PLRG1: variants seen among roughly 807,000 people sequenced by gnomAD.
PLRG1 encodes the protein pleiotropic regulator 1.
A neutral mutation model predicts 74.9 loss-of-function variants in PLRG1; 28 were observed. The ratio of observed to expected loss-of-function variants is 0.37; its 90% confidence interval spans 0.28 to 0.51. The LOEUF (loss-of-function observed/expected upper bound fraction) is 0.51. Ranked by LOEUF, PLRG1 falls within the 20% of genes least tolerant of loss-of-function variation. The pLI is 0.91. For synonymous variants in PLRG1, 197 were observed against 212.4 expected, an observed-to-expected ratio of 0.93 and a Z score of 0.63; for missense variants, 445 against 631.9, an observed-to-expected ratio of 0.70 and a Z score of 3.17.
intron 2 of PLRG1, 93 bp from the exon 3 acceptor site, chr4:154,547,946 T>C (rs778083380): frequency 2.0e-5 from 18 of 912,960 alleles, no homozygotes; most frequent in Non-Finnish European, 2.9e-5. Context: ...AAAAAGTTTC[T>C]AGTATGATTT....
chr4:154,545,022 TAATACAATATTTA>T (rs1729624961), intron 6 of PLRG1, among the ~76,000 whole-genome samples: 1 of 152,224 alleles, frequency 6.6e-6, no homozygotes, highest in South Asian at 2.1e-4. Context: ...ATTTATCTTC[TAATACAATATTTA>T]AATACTATTT....
chr4:154,536,922 T>C (rs951944086), intron 14 of PLRG1, among the ~76,000 whole-genome samples, 178 bp from the exon 15 acceptor site: 1 of 144,562 alleles, frequency 6.9e-6, no homozygotes, highest in Non-Finnish European at 1.5e-5. Context: ...TAATAACAGA[T>C]GGATGGATTC....
In PLRG1 at chr4:154,547,734, T is replaced by A. The variant is rs373645095; in HGVS notation, c.236A>T (p.His79Leu). Residue 79 changes from histidine (H) to leucine (L), a missense_variant, in exon 3 of 15, where the codon CAT (histidine) becomes CTT (leucine). By Grantham distance (99) the His-to-Leu change is moderately conservative (BLOSUM62 -3). This residue lies in a region of PLRG1 where 206 missense variants were observed against 210.8 expected (regional missense o/e 0.98). Transcript: ENST00000499023. Reference sequence around the variant, plus strand: ...ACCTTGATTGGCAGGGTACTGTTTATGAACATATGAATCCGTTGCATTCTG... The same window carrying A: ...ACCTTGATTGGCAGGGTACTGTTTAAGAACATATGAATCCGTTGCATTCTG... The part of the protein sequence containing the change: ...GPQNATDSYV[H>L]KQYPANQGQE... 19 of 1,613,130 alleles carry A rather than the reference T, an allele frequency of 1.2e-5. No homozygotes were observed. The East Asian group carries it at 3.8e-4, about 32-fold the overall frequency.
rs779193712 is a variant in PLRG1 at position 154,540,081 on chromosome 4, AAAGAG to A, written c.940-33_940-29del. 7.8e-6 allele frequency: 9 copies of A among 1,153,644 alleles called. No individual in the cohort carries two copies. The Admixed American group carries it at 8.4e-5, about 11-fold the overall frequency. 71.5% of individuals were successfully genotyped at this position (1,153,644 alleles called of 1,614,324 possible). A position where few individuals can be genotyped will look rare whatever the true frequency, so the allele number is the denominator to read the frequency against. On this transcript the variant is annotated intron_variant, in intron 10 of 14. Transcript: ENST00000499023. Reference sequence around the variant, plus strand: ...ATAAAAACACAATAGACATATTAGGAAAGAGAATAGGTATTCATTATCTCAAGAAG... The same window carrying A: ...ATAAAAACACAATAGACATATTAGGAAATAGGTATTCATTATCTCAAGAAG...
At chr4:154,538,981 C>T (rs112230311) in intron 12 of PLRG1, 124 bp downstream of exon 12, 39 of 657,938 alleles carry the variant, frequency 5.9e-5, no homozygotes, top group African/African-American at 4.3e-4. Context: ...CGTTCCTATG[C>T]GGCACAGGCC....
At position 154,536,665 on chromosome 4, in the gene PLRG1, G is replaced by C. The variant is rs1312917453; in HGVS notation, c.*20C>G. 7.7e-7 allele frequency: 1 copy of C among 1,297,290 alleles called. No individual in the cohort carries two copies. Among genetic ancestry groups the C allele is most frequent in the Non-Finnish European group, 1.1e-6 (1 of 916,014 alleles). The allele number at this position is 1,297,290 out of a possible 1,614,324, so 80.4% of individuals were successfully genotyped here. On this transcript the variant is annotated 3_prime_UTR_variant, in exon 15 of 15. Coordinates refer to ENST00000499023, the MANE Select transcript of PLRG1 (RefSeq NM_002669.4). ...TTAATTAAAAAGAAAAAAAAAGAGA[G>C]AGAAAAAATTCCACATTCATTAAAA...
Position 154,535,539 on chromosome 4 carries a change from T to C in PLRG1, c.*1146A>G, listed in dbSNP as rs1729430901. 6.6e-6 allele frequency: 1 copy of C among 151,002 alleles called. No homozygotes were observed. The highest frequency in any genetic ancestry group is 2.4e-5 in the African/African-American group (1 of 40,984). The allele number at this position is 151,002 out of a possible 1,614,324, so 9.4% of individuals were successfully genotyped here. On this transcript the variant is annotated 3_prime_UTR_variant, in exon 15 of 15. Transcript: ENST00000499023. ...GGGTAATGTAATTGGAAGTGCTTGTTCAAAATCATGGTGCAATTTTTTAAT... is the reference window on the plus strand; with the variant it reads ...GGGTAATGTAATTGGAAGTGCTTGTCCAAAATCATGGTGCAATTTTTTAAT...
Position 154,540,898 on chromosome 4 carries a change from A to C in PLRG1, c.724T>G (p.Leu242Val). 6.2e-7 allele frequency: 1 copy of C among 1,610,476 alleles called. No homozygotes were observed. The highest frequency in any genetic ancestry group is 8.5e-7 in the Non-Finnish European group (1 of 1,178,420). Residue 242 changes from leucine (L) to valine (V), a missense_variant, in exon 9 of 15, where the codon TTG (leucine) becomes GTG (valine). Physicochemically the swap from Leu to Val is conservative, Grantham distance 32. This residue lies in a region of PLRG1 where 221 missense variants were observed against 377.7 expected (regional missense o/e 0.59). Coordinates refer to ENST00000499023, the MANE Select transcript of PLRG1 (RefSeq NM_002669.4). ...DLASGKLKLS[L>V]TGHISTVRGV... ...CGCACAGTACTAATATGCCCAGTCA[A>C]TGACAGTTTTAATTTGCCACTAGCC...
At chr4:154,543,828 A>G (rs1014895983) in intron 7 of PLRG1, 2 of 152,228 alleles carry the variant, frequency 1.3e-5, no homozygotes, top group African/African-American at 4.8e-5. Flanking sequence ...TACTATGTAC[A>G]TTTTCTTTTT....
At chr4:154,543,802 G>A (rs1729598309) in intron 7 of PLRG1, 1 of 152,134 alleles carries the variant, frequency 6.6e-6, no homozygotes, top group African/African-American at 2.4e-5. Context: ...TAAATTATGT[G>A]TAGCTGTACA....
At chr4:154,542,119 A>T in intron 8 of PLRG1, 68 bp downstream of exon 8, 1 of 989,154 alleles carries the variant, frequency 1.0e-6, no homozygotes, top group Non-Finnish European at 1.6e-6. Flanking sequence ...TGCCACAGGA[A>T]ATAATAACTG....
chr4:154,544,423 A>T, intron 7 of PLRG1, 22 bp downstream of exon 7: 1 of 1,278,638 alleles, frequency 7.8e-7, no homozygotes, highest in Non-Finnish European at 1.1e-6. Flanking sequence ...TCACATAATA[A>T]AATAAATGCA....
Position 154,536,610 on chromosome 4 carries a change from T to C in PLRG1, c.*75A>G. The C allele has an allele frequency of 1.3e-6, 1 of 753,988 alleles. No individual in the cohort carries two copies. The highest frequency in any genetic ancestry group is 2.7e-5 in the East Asian group (1 of 37,322). 46.7% of individuals were successfully genotyped at this position (753,988 alleles called of 1,614,324 possible). On this transcript the variant is annotated 3_prime_UTR_variant, in exon 15 of 15. Transcript: ENST00000499023. ...CCAGCCAGAGCACAAAATGACTGGA[T>C]ATCCTCATGAACGCCAAGCTTTTTT...
Position 154,545,860 on chromosome 4 carries a change from A to G in PLRG1, c.468T>C (p.Arg156=), listed in dbSNP as rs1729641885. Residue 156 remains arginine (R), a synonymous_variant, in exon 6 of 15, where the codon CGT becomes CGC. Transcript: ENST00000499023. ...CTGAATTCATCGCTGTAGGCTGTGGACGGTCAGAAGCCCCAGGATGTCGGT... is the reference window on the plus strand; with the variant it reads ...CTGAATTCATCGCTGTAGGCTGTGGGCGGTCAGAAGCCCCAGGATGTCGGT... ...SEYRHPGASD[R]PQPTAMNSIV... 6.2e-7 allele frequency: 1 copy of G among 1,611,608 alleles called. No homozygotes were observed. The highest frequency in any genetic ancestry group is 8.5e-7 in the Non-Finnish European group (1 of 1,177,904).
chr4:154,546,924 T>C (rs1205640650), intron 4 of PLRG1, 87 bp downstream of exon 4: 15 of 992,150 alleles, frequency 1.5e-5, no homozygotes, highest in African/African-American at 3.2e-5. Flanking sequence ...TTGCATTTTA[T>C]AGGCAACAAG....
Position 154,535,079 on chromosome 4 carries a change from A to G in PLRG1, c.*1606T>C, listed in dbSNP as rs1436462259. 6.6e-6 allele frequency: 1 copy of G among 152,118 alleles called. No homozygotes were observed. The highest frequency in any genetic ancestry group is 1.5e-5 in the Non-Finnish European group (1 of 68,010). The allele number at this position is 152,118 out of a possible 1,614,324, so 9.4% of individuals were successfully genotyped here. On this transcript the variant is annotated 3_prime_UTR_variant, in exon 15 of 15. Transcript: ENST00000499023. ...AATTAAAACATTATAGAAATATGTA[A>G]AGCCACCCATGAAAGTTCTTCCATA...
At chr4:154,547,549 T>C (rs2111110443) in intron 3 of PLRG1, 162 bp downstream of exon 3, 1 of 649,272 alleles carries the variant, frequency 1.5e-6, no homozygotes, top group Non-Finnish European at 2.7e-6. Flanking sequence ...TCATCAACAG[T>C]ATTCCCATGA....
chr4:154,549,280 A>C (rs1729715876), intron 1 of PLRG1: 1 of 359,820 alleles, frequency 2.8e-6, no homozygotes, highest in Non-Finnish European at 5.4e-6. Context: ...CAGACAAATA[A>C]AAAGTAAAAT....
chr4:154,544,509 A>G lies in PLRG1; in HGVS notation c.530T>C (p.Leu177Pro). 6.2e-7 allele frequency: 1 copy of G among 1,612,724 alleles called. No individual in the cohort carries two copies. Among genetic ancestry groups the G allele is most frequent in the Admixed American group, 1.7e-5 (1 of 60,006 alleles). Residue 177 changes from leucine to proline, a missense_variant, in exon 7 of 15, where the codon CTG becomes CCG. By Grantham distance (98) the Leu-to-Pro change is moderately conservative. Coordinates refer to ENST00000499023, the MANE Select transcript of PLRG1 (RefSeq NM_002669.4). Reference sequence around the variant, plus strand: ...CATTGTAGGGGCTTTTTTAGCCATCAGTGCAGAGTTCTTGGTATTGCCAGT... The same window carrying G: ...CATTGTAGGGGCTTTTTTAGCCATCGGTGCAGAGTTCTTGGTATTGCCAGT... Reference protein sequence around the residue: ...METGNTKNSALMAKKAPTMPK... With the variant: ...METGNTKNSAPMAKKAPTMPK...
Sources: gnomAD v4.1 joint callset for allele counts (sites outside exome capture counted in the v4.1 genomes callset) on GRCh38, gnomAD v4.1.1 for gene constraint, gnomAD v4.1.1 regional missense constraint, MANE v1.5 for transcripts, NCBI Gene and HGNC (gene_info 2026-07-23, HGNC 2026-07-21) for gene names.